ASPRV1: variants seen among roughly 807,000 people sequenced by gnomAD.
The protein encoded by ASPRV1 is retroviral-like aspartic protease 1.
In ASPRV1, 7 loss-of-function variants were observed where a neutral mutation model predicts 11.0. The ratio of observed to expected loss-of-function variants is 0.64; its 90% CI spans 0.36 to 1.20. The LOEUF is 1.20. Ranked by LOEUF, ASPRV1 falls within the 50% of genes most tolerant of loss-of-function variation. The pLI is 0.02. For missense variants in ASPRV1, 299 were observed against 320.0 expected, an observed-to-expected ratio of 0.93 and a Z score of 0.50; for synonymous variants, 136 against 138.4, an observed-to-expected ratio of 0.98 and a Z score of 0.12.
chr2:69,933,717 G>A, the ASPRV1 span, among the ~76,000 whole-genome samples: 1 of 152,188 alleles, frequency 6.6e-6, no homozygotes, highest in African/African-American at 2.4e-5. Flanking sequence ...TGGAGAGTGT[G>A]AATTGACTTC....
the ASPRV1 span, among the ~76,000 whole-genome samples, chr2:70,033,433 T>C: frequency 8.5e-5 from 13 of 152,126 alleles, no homozygotes; most frequent in Non-Finnish European, 1.8e-4. Context: ...CTTCTCACAT[T>C]GTGTTTGTGT....
chr2:69,967,850 G>A, the ASPRV1 span, among the ~76,000 whole-genome samples: 1 of 152,192 alleles, frequency 6.6e-6, no homozygotes, highest in Non-Finnish European at 1.5e-5. Flanking sequence ...GGAGGCTGAG[G>A]TGGGTGGATC....
the ASPRV1 span, among the ~76,000 whole-genome samples, chr2:70,035,469 G>A: frequency 6.6e-6 from 1 of 151,758 alleles, no homozygotes; most frequent in Admixed American, 6.6e-5. Context: ...AGCTCAACAT[G>A]CCTCAAGGAA....
the ASPRV1 span, among the ~76,000 whole-genome samples, chr2:69,944,097 T>C: frequency 6.6e-6 from 1 of 152,208 alleles, no homozygotes; most frequent in East Asian, 1.9e-4. Context: ...TCCATCACTG[T>C]GGACAAGCCC....
At chr2:70,079,988 C>T in the ASPRV1 span, among the ~76,000 whole-genome samples, 2 of 152,164 alleles carry the variant, frequency 1.3e-5, no homozygotes, top group African/African-American at 4.8e-5. Flanking sequence ...GAAACAAAAT[C>T]CGTTAAGTCT....
In ASPRV1 at chr2:69,960,574, T is replaced by G; in HGVS notation, c.*83A>C. On this transcript the variant is annotated 3_prime_UTR_variant, in exon 1 of 1. Transcript: ENST00000320256. ...TGATAAGCAGACTGGCCAAGCCCAG[T>G]GACCCCCATGAGGATATGCAACCCC... is the stretch of plus-strand genomic sequence containing the variant. 7.1e-7 allele frequency: 1 copy of G among 1,409,530 alleles called. No individual in the cohort carries two copies. 87.3% of individuals were successfully genotyped at this position (1,409,530 alleles called of 1,614,324 possible).
At chr2:70,003,634 C>T in the ASPRV1 span, among the ~76,000 whole-genome samples, 1 of 152,196 alleles carries the variant, frequency 6.6e-6, no homozygotes, top group East Asian at 1.9e-4. Context: ...AGCTCTTCTC[C>T]AAGCAGCCCA....
At chr2:70,073,731 G>C in the ASPRV1 span, among the ~76,000 whole-genome samples, 1 of 152,056 alleles carries the variant, frequency 6.6e-6, no homozygotes, top group Non-Finnish European at 1.5e-5. Context: ...CCAGAGGCTG[G>C]GTTCCCTTGG....
At chr2:70,079,495 G>A in the ASPRV1 span, among the ~76,000 whole-genome samples, 1 of 152,022 alleles carries the variant, frequency 6.6e-6, no homozygotes, top group Non-Finnish European at 1.5e-5. Flanking sequence ...TCCTGAAAGA[G>A]AGCACCTAGG....
chr2:70,060,818 A>G, the ASPRV1 span, among the ~76,000 whole-genome samples: 1 of 152,208 alleles, frequency 6.6e-6, no homozygotes, highest in Non-Finnish European at 1.5e-5. Flanking sequence ...CTCTGTCTCA[A>G]TTTTAAAAAG....
the ASPRV1 span, among the ~76,000 whole-genome samples, chr2:70,011,111 G>C: frequency 6.6e-6 from 1 of 152,094 alleles, no homozygotes; most frequent in African/African-American, 2.4e-5. Context: ...CCTTGAGGGT[G>C]GAGGGTGGGG....
the ASPRV1 span, among the ~76,000 whole-genome samples, chr2:69,987,149 G>A: frequency 6.6e-6 from 1 of 152,170 alleles, no homozygotes. Context: ...AGTCTGGCCT[G>A]AGTGAGGGGA....
At chr2:70,077,117 CG>C in the ASPRV1 span, among the ~76,000 whole-genome samples, 1 of 152,106 alleles carries the variant, frequency 6.6e-6, no homozygotes, top group East Asian at 1.9e-4. Context: ...CTCATAGTAC[CG>C]GAATCATATG....
chr2:70,024,118 A>G, the ASPRV1 span, among the ~76,000 whole-genome samples: 2 of 151,934 alleles, frequency 1.3e-5, no homozygotes, highest in African/African-American at 4.8e-5. Context: ...AAAGTATTAA[A>G]TAATATTAGC....
chr2:70,040,834 A>T, the ASPRV1 span, among the ~76,000 whole-genome samples: 2 of 152,316 alleles, frequency 1.3e-5, no homozygotes, highest in East Asian at 1.9e-4. Context: ...ACTCCGACTC[A>T]AAACTAAACT....
chr2:69,957,976 G>C (rs7567025), downstream of ASPRV1, among the ~76,000 whole-genome samples: 35,590 of 152,058 alleles, frequency 0.23, 6,759 homozygotes, highest in African/African-American at 0.51. Context: ...TACCCAGAAG[G>C]CAGATGAATC....
At chr2:69,944,520 C>T in the ASPRV1 span, among the ~76,000 whole-genome samples, 1 of 152,214 alleles carries the variant, frequency 6.6e-6, no homozygotes, top group Non-Finnish European at 1.5e-5. Context: ...GCCCCAAACC[C>T]ACAGAGCTAG....
At chr2:69,992,526 C>A in the ASPRV1 span, among the ~76,000 whole-genome samples, 2 of 152,224 alleles carry the variant, frequency 1.3e-5, no homozygotes, top group Non-Finnish European at 2.9e-5. Context: ...TTTGCGATTT[C>A]ATCATCAAAA....
chr2:69,961,482 G>C lies in ASPRV1; in HGVS notation c.-46C>G, dbSNP rs1446851218. ...CCTCAGCAGCAACCCACGCCAAGAA[G>C]AGAAACCCACAGAGCAGTGTCGGCG... On this transcript the variant is annotated 5_prime_UTR_variant, in exon 1 of 1. Transcript: ENST00000320256. 3.1e-6 allele frequency: 5 copies of C among 1,614,012 alleles called. No homozygotes were observed. Among genetic ancestry groups the C allele is most frequent in the Non-Finnish European group, 4.2e-6 (5 of 1,180,054 alleles).
Sources: gnomAD v4.1 joint callset for allele counts (sites outside exome capture counted in the v4.1 genomes callset) on GRCh38, gnomAD v4.1.1 for gene constraint, MANE v1.5 for transcripts, NCBI Gene and HGNC (gene_info 2026-07-23, HGNC 2026-07-21) for gene names.